The following NPHP4 variants were observed in gnomAD, a reference collection of about 807,000 sequenced individuals.
NPHP4 encodes nephrocystin-4.
NPHP4 carries 151 observed loss-of-function variants against 155.8 expected under a neutral mutation model. The ratio of observed to expected loss-of-function variants is 0.97; its 90% CI spans 0.85 to 1.11. NPHP4 has a LOEUF of 1.11. Ranked by LOEUF, NPHP4 falls within the 50% of genes least tolerant of loss-of-function variation. The probability of loss-of-function intolerance (pLI) is 0.00; values close to 1 mark genes in which losing one functional copy is unlikely to be tolerated. For synonymous variants in NPHP4, 845 were observed against 816.8 expected, an observed-to-expected ratio of 1.03 and a Z score of -0.59; for missense variants, 1,956 against 1,925.7, an observed-to-expected ratio of 1.02 and a Z score of -0.29.
rs2100893737 is a variant in NPHP4 at position 5,889,310 on chromosome 1, C to A, written c.2304+1558G>T. 6.6e-6 allele frequency among the ~76,000 whole-genome samples: 1 copy of A among 152,364 alleles called. No homozygotes were observed. The highest frequency in any genetic ancestry group is 2.1e-4 in the South Asian group (1 of 4,826). ...AGGCTAACCGGAGCAACCTAACTCT[C>A]CCAGGATCTGGAGTCCAGAGGATTC... On this transcript the variant is annotated intron_variant, in intron 17 of 29. Coordinates refer to ENST00000378156, the MANE Select transcript of NPHP4 (RefSeq NM_015102.5). This position sits in a 1 kb window ranked among gnomAD's most constrained non-coding sequence, Gnocchi z 4.2.
chr1:5,988,727 C>T (rs1655830770), intron 1 of NPHP4, among the ~76,000 whole-genome samples: 1 of 151,818 alleles, frequency 6.6e-6, no homozygotes, highest in Non-Finnish European at 1.5e-5. Flanking sequence ...AGGACATGAC[C>T]AGGCAGCCTG....
chr1:5,901,383 G>A (rs1644673995), intron 16 of NPHP4, among the ~76,000 whole-genome samples: 1 of 152,232 alleles, frequency 6.6e-6, no homozygotes, highest in Admixed American at 6.5e-5. Flanking sequence ...AGCTGCGGCT[G>A]CTGAAGGAAG....
At position 5,867,607 on chromosome 1, in the gene NPHP4, T is replaced by C. The variant is rs1641379123; in HGVS notation, c.3472+133A>G. 2.3e-6 allele frequency: 2 copies of C among 885,132 alleles called. No homozygotes were observed. The highest frequency in any genetic ancestry group is 1.7e-5 in the South Asian group (1 of 58,282). 54.8% of individuals were successfully genotyped at this position (885,132 alleles called of 1,614,324 possible). ...AAACCATAAAGGCAGGAGAGAGAAT[T>C]CCCCAGGCCCCACGTGCTGCTCTGA... On this transcript the variant is annotated intron_variant, in intron 24 of 29. Transcript: ENST00000378156. This position sits in a 1 kb window ranked among gnomAD's most constrained non-coding sequence, Gnocchi z 4.1.
intron 6 of NPHP4, among the ~76,000 whole-genome samples, chr1:5,954,210 T>G (rs1409858845): frequency 1.3e-5 from 2 of 152,056 alleles, no homozygotes; most frequent in Non-Finnish European, 2.9e-5. Context: ...TAGAGAAAAA[T>G]CGAAGCAACC....
chr1:5,991,868 A>C (rs1570791072), intron 1 of NPHP4, among the ~76,000 whole-genome samples: 1 of 143,270 alleles, frequency 7.0e-6, no homozygotes, highest in East Asian at 2.3e-4. Flanking sequence ...GCGGGGAGCC[A>C]AGGCCCAGAA....
At chr1:5,949,779 C>CAG (rs1225375935) in intron 7 of NPHP4, among the ~76,000 whole-genome samples, 1 of 152,236 alleles carries the variant, frequency 6.6e-6, no homozygotes, top group East Asian at 1.9e-4. Context: ...GCCACCTAGG[C>CAG]AGAGGCATGC....
chr1:5,891,985 G>C (rs776363878), intron 16 of NPHP4, among the ~76,000 whole-genome samples: 2 of 152,222 alleles, frequency 1.3e-5, no homozygotes, highest in Admixed American at 6.5e-5. Context: ...CAAGGGGGTG[G>C]AGCAAGGACC....
At chr1:5,970,191 A>G (rs1408651282) in intron 3 of NPHP4, among the ~76,000 whole-genome samples, 2 of 152,098 alleles carry the variant, frequency 1.3e-5, no homozygotes, top group Non-Finnish European at 2.9e-5. Flanking sequence ...GTTAAATTCA[A>G]TGCAGTTGTT....
rs34921218 is a variant in NPHP4, at chr1:5,944,260, A to G, written c.1119+2844T>C. Reference sequence around the variant, plus strand: ...ACCACGCAGGGTCCTCACCAAAGACAAGGAGGAGGACGCTGCAGCCGGAAG... The same window carrying G: ...ACCACGCAGGGTCCTCACCAAAGACGAGGAGGAGGACGCTGCAGCCGGAAG... On this transcript the variant is annotated intron_variant, in intron 9 of 29. Coordinates refer to ENST00000378156, the MANE Select transcript of NPHP4 (RefSeq NM_015102.5). This position sits in a 1 kb window ranked among gnomAD's most constrained non-coding sequence, Gnocchi z 4.3. Among the ~76,000 whole-genome samples, 26,025 of 152,126 alleles carry G rather than the reference A, an allele frequency of 0.17. 2,303 individuals carry two copies. The highest frequency in any genetic ancestry group is 0.21 in the African/African-American group (8,897 of 41,470).
At chr1:5,966,529 G>A (rs1651530035) in intron 5 of NPHP4, among the ~76,000 whole-genome samples, 1 of 152,154 alleles carries the variant, frequency 6.6e-6, no homozygotes, top group African/African-American at 2.4e-5. Context: ...TTACAAGCCT[G>A]AGCCACCGTG....
chr1:5,967,646 T>C (rs1651778732), intron 4 of NPHP4, among the ~76,000 whole-genome samples: 1 of 152,206 alleles, frequency 6.6e-6, no homozygotes. Context: ...CTCTGAAATG[T>C]CTCAAGACAA....
At chr1:5,988,900 G>C (rs547664419) in intron 1 of NPHP4, among the ~76,000 whole-genome samples, 3 of 151,998 alleles carry the variant, frequency 2.0e-5, no homozygotes, top group South Asian at 2.1e-4. Flanking sequence ...ATGTGGGCCA[G>C]GTATTCCTGA....
At chr1:5,979,790 AG>A (rs1257794609) in intron 2 of NPHP4, among the ~76,000 whole-genome samples, 1 of 152,064 alleles carries the variant, frequency 6.6e-6, no homozygotes, top group Non-Finnish European at 1.5e-5. Context: ...CTGGGGTTAC[AG>A]GGGTAAGCCA....
intron 2 of NPHP4, among the ~76,000 whole-genome samples, chr1:5,983,377 C>T (rs1655012530): frequency 6.6e-6 from 1 of 152,214 alleles, no homozygotes; most frequent in African/African-American, 2.4e-5. Context: ...GTAAGAGGAG[C>T]TCACTGTGCC....
chr1:5,990,590 T>C (rs1332640756), intron 1 of NPHP4, among the ~76,000 whole-genome samples: 1 of 152,136 alleles, frequency 6.6e-6, no homozygotes, highest in African/African-American at 2.4e-5. Flanking sequence ...ATGAGAACAC[T>C]GAGACTCAGA....
chr1:5,888,261 T>C (rs2100872847), intron 17 of NPHP4: 1 of 855,836 alleles, frequency 1.2e-6, no homozygotes, highest in Non-Finnish European at 1.4e-6. Context: ...ACGCCAACAC[T>C]GTGAGGCATG....
chr1:5,938,139 T>C (rs2101812862), intron 9 of NPHP4, among the ~76,000 whole-genome samples: 1 of 152,104 alleles, frequency 6.6e-6, no homozygotes, highest in South Asian at 2.1e-4. Context: ...GCATGACAGG[T>C]GGGGCACACA....
chr1:5,877,559 G>A, intron 19 of NPHP4: 1 of 350,960 alleles, frequency 2.8e-6, no homozygotes, highest in Non-Finnish European at 5.1e-6. Flanking sequence ...ATCCAACGCT[G>A]TCAACACACC....
chr1:5,956,868 A>G (rs1433323097), intron 6 of NPHP4, among the ~76,000 whole-genome samples: 1 of 152,206 alleles, frequency 6.6e-6, no homozygotes, highest in Non-Finnish European at 1.5e-5. Context: ...CCCAATTTAT[A>G]AAGGAAAAAC....
Sources: allele counts gnomAD v4.1 joint callset (sites outside exome capture counted in the v4.1 genomes callset), GRCh38; gene constraint gnomAD v4.1.1; non-coding constraint Gnocchi (gnomAD v3.1); transcripts MANE v1.5; gene names NCBI Gene and HGNC (gene_info 2026-07-23, HGNC 2026-07-21).